The following HBS1L variants were observed in gnomAD, a reference collection of about 807,000 sequenced individuals.
HBS1L encodes the protein HBS1-like protein.
A neutral mutation model predicts 88.9 loss-of-function variants in HBS1L; 55 were observed. The observed-to-expected ratio is 0.62, with a 90% CI of 0.50 to 0.77. The LOEUF (loss-of-function observed/expected upper bound fraction) is 0.77, where lower values mean the gene tolerates loss of function less well. HBS1L is among the 30% of genes least tolerant of loss of function. HBS1L has a pLI of 0.00. For missense variants in HBS1L, 741 were observed against 829.3 expected, an observed-to-expected ratio of 0.89 and a Z score of 1.31; for synonymous variants, 267 against 288.5, an observed-to-expected ratio of 0.93 and a Z score of 0.76.
intron 2 of HBS1L, among the ~76,000 whole-genome samples, chr6:135,048,532 T>C (rs755068483): frequency 3.3e-5 from 5 of 152,178 alleles, no homozygotes; most frequent in Non-Finnish European, 5.9e-5. Context: ...CAAAGAACCC[T>C]CTCCTCAAGG....
At chr6:134,990,409 T>C (rs1775098987) in intron 8 of HBS1L, among the ~76,000 whole-genome samples, 1 of 152,216 alleles carries the variant, frequency 6.6e-6, no homozygotes, top group African/African-American at 2.4e-5. Flanking sequence ...TGAGGCAGCA[T>C]GCCTTGTATG....
At chr6:135,053,403 G>A (rs1357482099) in intron 1 of HBS1L, among the ~76,000 whole-genome samples, 1 of 152,120 alleles carries the variant, frequency 6.6e-6, no homozygotes, top group Non-Finnish European at 1.5e-5. Context: ...GGTGGTTGAG[G>A]AAATGATAAA....
At chr6:135,041,434 C>T (rs1046816140) in intron 3 of HBS1L, among the ~76,000 whole-genome samples, 1 of 151,638 alleles carries the variant, frequency 6.6e-6, no homozygotes, top group Non-Finnish European at 1.5e-5. Flanking sequence ...TAAATATCTT[C>T]ATTAAAATGT....
intron 17 of HBS1L, among the ~76,000 whole-genome samples, chr6:134,966,092 T>C (rs1259524310): frequency 6.6e-6 from 1 of 152,152 alleles, no homozygotes; most frequent in Non-Finnish European, 1.5e-5. Context: ...TCTAATTTCT[T>C]GTTCTAGTAG....
chr6:135,001,874 T>C (rs1254105454), intron 5 of HBS1L, among the ~76,000 whole-genome samples: 2 of 151,162 alleles, frequency 1.3e-5, no homozygotes, highest in African/African-American at 4.9e-5. Context: ...CAAAAGAATA[T>C]TGTAAGGAAA....
At chr6:134,976,971 A>T (rs1397888352) in intron 15 of HBS1L, among the ~76,000 whole-genome samples, 1 of 152,106 alleles carries the variant, frequency 6.6e-6, no homozygotes, top group African/African-American at 2.4e-5. Context: ...ACTGAAATAG[A>T]GTTTCCCATA....
At chr6:135,006,358 C>T (rs1490247753) in intron 4 of HBS1L, among the ~76,000 whole-genome samples, 3 of 152,032 alleles carry the variant, frequency 2.0e-5, no homozygotes, top group African/African-American at 7.2e-5. Flanking sequence ...CAGTGTTGGA[C>T]TTGGTGGTGT....
chr6:135,019,145 A>C (rs1252694392), intron 4 of HBS1L, among the ~76,000 whole-genome samples: 2 of 151,968 alleles, frequency 1.3e-5, no homozygotes, highest in African/African-American at 4.8e-5. Context: ...CTACTTTTGC[A>C]AATGAGGAAA....
At chr6:135,015,842 C>CA (rs780493026) in intron 4 of HBS1L, among the ~76,000 whole-genome samples, 9 of 150,594 alleles carry the variant, frequency 6.0e-5, no homozygotes, top group Admixed American at 1.3e-4. Flanking sequence ...CTCAGCCTCC[C>CA]AAAGTGCTGG....
chr6:135,004,861 A>G (rs1182031765), intron 4 of HBS1L, among the ~76,000 whole-genome samples: 1 of 152,188 alleles, frequency 6.6e-6, no homozygotes, highest in Non-Finnish European at 1.5e-5. Flanking sequence ...TTGAAGACAT[A>G]GATACAGGCG....
At chr6:135,039,898 A>C (rs549436482) in intron 3 of HBS1L, 131 bp from the exon 4 acceptor site, 2 of 661,374 alleles carry the variant, frequency 3.0e-6, no homozygotes, top group Middle Eastern at 4.0e-4. Context: ...GGCAAAAATT[A>C]TCTCTAATGA....
intron 1 of HBS1L, among the ~76,000 whole-genome samples, chr6:135,052,133 G>A (rs1777105257): frequency 6.6e-6 from 1 of 152,228 alleles, no homozygotes; most frequent in African/African-American, 2.4e-5. Context: ...GGAACAGCAT[G>A]CTCAAAGGCT....
rs376732498 is a variant in HBS1L at position 134,986,713 on chromosome 6, A to G, written c.1305+23T>C. 1.8e-5 allele frequency: 25 copies of G among 1,403,132 alleles called. No homozygotes were observed. The African/African-American group carries it at 2.6e-4, about 15-fold the overall frequency. The allele number at this position is 1,403,132 out of a possible 1,614,324, so 86.9% of individuals were successfully genotyped here. A position where few individuals can be genotyped will look rare whatever the true frequency, so the allele number is the denominator to read the frequency against. Reference sequence around the variant, plus strand: ...AAGATGACTTAAGGAAAGTAATAACAAATAAATCTAAAATGATCTTACCTT... The same window carrying G: ...AAGATGACTTAAGGAAAGTAATAACGAATAAATCTAAAATGATCTTACCTT... On this transcript the variant is annotated intron_variant, in intron 10 of 17. Transcript: ENST00000367837.
chr6:134,990,735 A>G (rs1282928521), intron 8 of HBS1L, among the ~76,000 whole-genome samples: 1 of 152,158 alleles, frequency 6.6e-6, no homozygotes, highest in African/African-American at 2.4e-5. Context: ...TATTGTTAGT[A>G]GAGACAGGGT....
At chr6:135,006,298 G>A (rs1775609251) in intron 4 of HBS1L, among the ~76,000 whole-genome samples, 1 of 152,196 alleles carries the variant, frequency 6.6e-6, no homozygotes, top group Non-Finnish European at 1.5e-5. Context: ...GTAAATTTCT[G>A]ATGAGAGGTA....
chr6:134,996,973 G>A (rs745917309), intron 6 of HBS1L, 31 bp from the exon 7 acceptor site: 2 of 1,501,468 alleles, frequency 1.3e-6, no homozygotes, highest in Non-Finnish European at 1.8e-6. Context: ...ATTAATACCA[G>A]GTACATTTCC....
chr6:134,999,448 C>CTTTTTTT lies in HBS1L; in HGVS notation c.540-1799_540-1793dup, dbSNP rs35807723. Among the ~76,000 whole-genome samples, 290 of 124,686 alleles carry CTTTTTTT rather than the reference C, an allele frequency of 2.3e-3. 1 individual carries two copies. Among genetic ancestry groups the CTTTTTTT allele is most frequent in the Non-Finnish European group, 3.2e-3 (198 of 61,058 alleles). 81.8% of individuals were successfully genotyped at this position (124,686 alleles called of 152,430 possible). On this transcript the variant is annotated intron_variant, in intron 5 of 17. Transcript: ENST00000367837. ...TCATTTAAGTAAATCTTTTTCTTTTCTTTTTTTTTTTTTTTTTGAGATGGA... is the reference window on the plus strand; with the variant it reads ...TCATTTAAGTAAATCTTTTTCTTTTCTTTTTTTTTTTTTTTTTTTTTTTTGAGATGGA...
intron 4 of HBS1L, among the ~76,000 whole-genome samples, chr6:135,030,223 A>G (rs1219089022): frequency 6.6e-6 from 1 of 152,246 alleles, no homozygotes; most frequent in Non-Finnish European, 1.5e-5. Context: ...GCTGTGAAGA[A>G]TAAAGCACAG....
At chr6:135,003,691 C>T (rs931790557) in intron 4 of HBS1L, among the ~76,000 whole-genome samples, 2 of 151,708 alleles carry the variant, frequency 1.3e-5, no homozygotes, top group Non-Finnish European at 2.9e-5. Flanking sequence ...CACAGTGAAA[C>T]CCCTCTCTAC....
Sources: allele counts gnomAD v4.1 joint callset (sites outside exome capture counted in the v4.1 genomes callset), GRCh38; gene constraint gnomAD v4.1.1; transcripts MANE v1.5; gene names NCBI Gene and HGNC (gene_info 2026-07-23, HGNC 2026-07-21).